The following KCNAB2 variants were observed in gnomAD, a reference collection of about 807,000 sequenced individuals.
KCNAB2 encodes the protein voltage-gated potassium channel subunit beta-2.
KCNAB2 carries 29 observed loss-of-function variants against 63.6 expected under a neutral mutation model. The ratio of observed to expected loss-of-function variants is 0.46; its 90% confidence interval spans 0.34 to 0.62. The LOEUF (loss-of-function observed/expected upper bound fraction) is 0.62. KCNAB2 is among the 20% of genes least tolerant of loss of function. The pLI is 0.01. For synonymous variants in KCNAB2, 222 were observed against 224.2 expected, an observed-to-expected ratio of 0.99 and a Z score of 0.09; for missense variants, 359 against 563.9, an observed-to-expected ratio of 0.64 and a Z score of 3.68.
chr1:6,049,194 C>A (rs1297730985), intron 1 of KCNAB2, among the ~76,000 whole-genome samples: 1 of 152,226 alleles, frequency 6.6e-6, no homozygotes, highest in Admixed American at 6.5e-5. Context: ...CAGGAAATGC[C>A]CAGGTATAGC....
At position 6,086,700 on chromosome 1, in the gene KCNAB2, G is replaced by C. The variant is rs1405348077; in HGVS notation, c.426-767G>C. Reference sequence around the variant, plus strand: ...AGCCACTGGTATGGGCATTTGTCTCGTGTGGACTTAGAGCAGAAGAACGAA... The same window carrying C: ...AGCCACTGGTATGGGCATTTGTCTCCTGTGGACTTAGAGCAGAAGAACGAA... On this transcript the variant is annotated intron_variant, in intron 6 of 15. Coordinates refer to ENST00000378083, the MANE Select transcript of KCNAB2 (RefSeq NM_001199862.2). This position sits in a 1 kb window ranked among gnomAD's most constrained non-coding sequence, Gnocchi z 4.2. Among the ~76,000 whole-genome samples the C allele has an allele frequency of 6.6e-6, 1 of 152,150 alleles. No individual in the cohort carries two copies. The highest frequency in any genetic ancestry group is 1.9e-4 in the East Asian group (1 of 5,190).
In KCNAB2 at chr1:6,089,680, G is replaced by A. The variant is rs185663776; in HGVS notation, c.514+629G>A. Among the ~76,000 whole-genome samples, 69 of 152,310 alleles carry A rather than the reference G, an allele frequency of 4.5e-4. No individual in the cohort carries two copies. In the South Asian group the frequency reaches 9.7e-3, roughly 21 times the overall value. On this transcript the variant is annotated intron_variant, in intron 8 of 15. Transcript: ENST00000378083. ...CTCTAAGCACCAGCGGGTGGCTTGG[G>A]CGTTTTAGACACTATTGCCATTGTT...
intron 2 of KCNAB2, among the ~76,000 whole-genome samples, chr1:6,052,831 A>G (rs1661506198): frequency 1.3e-5 from 2 of 152,140 alleles, no homozygotes; most frequent in Non-Finnish European, 2.9e-5. Context: ...TCCATGCAAT[A>G]TTTGGGTCAT....
chr1:6,040,322 T>C (rs1275960708), intron 1 of KCNAB2, among the ~76,000 whole-genome samples: 1 of 152,138 alleles, frequency 6.6e-6, no homozygotes, highest in Non-Finnish European at 1.5e-5. Context: ...CAGCCCCTCC[T>C]GAGCCCGTGG....
At position 6,050,684 on chromosome 1, in the gene KCNAB2, C is replaced by G. The variant is rs145060987; in HGVS notation, c.-26-827C>G. ...CAGTTTCCCTACTGATGGACATTTACATTGCTTTTAGTTTCCAAGAATGTG... is the reference window on the plus strand; with the variant it reads ...CAGTTTCCCTACTGATGGACATTTAGATTGCTTTTAGTTTCCAAGAATGTG... On this transcript the variant is annotated intron_variant, in intron 1 of 15. Coordinates refer to ENST00000378083, the MANE Select transcript of KCNAB2 (RefSeq NM_001199862.2). 4.7e-3 allele frequency among the ~76,000 whole-genome samples: 722 copies of G among 152,342 alleles called. 6 individuals are homozygous for G. The highest frequency in any genetic ancestry group is 8.7e-3 in the Non-Finnish European group (594 of 68,032).
intron 2 of KCNAB2, among the ~76,000 whole-genome samples, chr1:6,059,427 C>T (rs562742298): frequency 4.6e-5 from 7 of 152,228 alleles, no homozygotes; most frequent in Non-Finnish European, 8.8e-5. Context: ...TGGGCTCAAG[C>T]GATCCACCCA....
At chr1:6,072,940 A>G (rs1663335918) in intron 3 of KCNAB2, 142 bp downstream of exon 3, 2 of 603,132 alleles carry the variant, frequency 3.3e-6, no homozygotes, top group Non-Finnish European at 5.6e-6. Flanking sequence ...AGAGCCCAGG[A>G]TTCAGGGGGG....
At chr1:6,041,981 A>C, upstream of KCNAB2, 1 of 984,096 alleles carries the variant, frequency 1.0e-6, no homozygotes, top group Non-Finnish European at 1.6e-6. Flanking sequence ...TCTGAAGCCA[A>C]AGCCCCCGAG....
intron 1 of KCNAB2, among the ~76,000 whole-genome samples, chr1:6,006,857 A>AG (rs1657824490): frequency 6.6e-6 from 1 of 151,116 alleles, no homozygotes; most frequent in Admixed American, 6.6e-5. Context: ...ACTTCTTCCA[A>AG]GGGCCGTGAT....
intron 2 of KCNAB2, among the ~76,000 whole-genome samples, chr1:6,053,260 T>C (rs1276008537): frequency 6.6e-6 from 1 of 152,058 alleles, no homozygotes; most frequent in Non-Finnish European, 1.5e-5. Context: ...TTGATTCCTT[T>C]TGTTTATTCA....
intron 1 of KCNAB2, among the ~76,000 whole-genome samples, chr1:6,000,593 C>T (rs973399480): frequency 5.3e-5 from 8 of 151,924 alleles, no homozygotes; most frequent in African/African-American, 1.9e-4. Context: ...ACCCCACCCC[C>T]CGCCGCTCTG....
intron 1 of KCNAB2, 49 bp downstream of exon 1, chr1:6,046,232 G>A (rs2100497987): frequency 2.0e-6 from 2 of 978,098 alleles, no homozygotes; most frequent in South Asian, 4.7e-5. Flanking sequence ...TGCCGCTTGG[G>A]GGCACGCATC....
intron 2 of KCNAB2, among the ~76,000 whole-genome samples, chr1:6,064,415 A>G (rs1221601986): frequency 6.6e-6 from 1 of 152,182 alleles, no homozygotes; most frequent in African/African-American, 2.4e-5. Flanking sequence ...ATAAATAGGG[A>G]AGGGGGCTGT....
intron 5 of KCNAB2, among the ~76,000 whole-genome samples, chr1:6,084,809 C>CAAAAAAAA (rs372066219): frequency 2.9e-5 from 4 of 138,910 alleles, no homozygotes; most frequent in African/African-American, 1.1e-4. Context: ...GACTCCATTT[C>CAAAAAAAA]AAAAAAAAAA....
intron 8 of KCNAB2, 65 bp from the exon 9 acceptor site, chr1:6,090,324 T>C (rs948692552): frequency 1.7e-6 from 2 of 1,164,300 alleles, no homozygotes; most frequent in Admixed American, 1.9e-5. Context: ...CGGGCATGGA[T>C]GGGCCCAGGT....
rs370031813 is a variant in KCNAB2, at chr1:6,040,238, C to A, written c.-52-279C>A. Among the ~76,000 whole-genome samples the A allele has an allele frequency of 2.0e-5, 3 of 152,172 alleles. No individual in the cohort carries two copies. In the East Asian group the frequency reaches 5.8e-4, roughly 29 times the overall value. Reference sequence around the variant, plus strand: ...CAACAGTTGGGGTGGTGTGGAAGGACCTCCACGACATATAAGGTGGGAGTG... The same window carrying A: ...CAACAGTTGGGGTGGTGTGGAAGGAACTCCACGACATATAAGGTGGGAGTG... On this transcript the variant is annotated intron_variant, in intron 1 of 15. Coordinates refer to the KCNAB2 transcript ENST00000164247.
In KCNAB2 at chr1:6,070,367, C is replaced by T. The variant is rs190364628; in HGVS notation, c.219-2388C>T. On this transcript the variant is annotated intron_variant, in intron 2 of 15. Transcript: ENST00000378083. ...TTTCTTACCACAGTTACTTTCTAGC[C>T]AGCATGGGGGAAATTACCTAAACTT... 7.9e-5 allele frequency among the ~76,000 whole-genome samples: 12 copies of T among 152,288 alleles called. No homozygotes were observed. The East Asian group carries it at 2.3e-3, about 29-fold the overall frequency.
chr1:6,086,137 TA>T lies in KCNAB2; in HGVS notation c.425+892del. ...CAAGCCCCGGGGCCCTGTTCCTTAA[TA>T]AATGCGTCTTTATTTTCAGAAACAT... On this transcript the variant is annotated intron_variant, in intron 6 of 15. Transcript: ENST00000378083. This position sits in a 1 kb window ranked among gnomAD's most constrained non-coding sequence, Gnocchi z 4.2. The T allele has an allele frequency of 1.0e-6, 1 of 985,398 alleles. No individual in the cohort carries two copies. Among genetic ancestry groups the T allele is most frequent in the Non-Finnish European group, 1.2e-6 (1 of 829,928 alleles). 61.0% of individuals were successfully genotyped at this position (985,398 alleles called of 1,614,324 possible).
rs956013780 is a variant in KCNAB2, at chr1:6,096,060, A to G, written c.948+436A>G. 1 of 458,638 alleles carries G rather than the reference A, an allele frequency of 2.2e-6. No individual in the cohort carries two copies. The highest frequency in any genetic ancestry group is 2.0e-5 in the African/African-American group (1 of 50,266). The allele number at this position is 458,638 out of a possible 1,614,324, so 28.4% of individuals were successfully genotyped here. On this transcript the variant is annotated intron_variant, in intron 13 of 15. Coordinates refer to ENST00000378083, the MANE Select transcript of KCNAB2 (RefSeq NM_001199862.2). This position sits in a 1 kb window ranked among gnomAD's most constrained non-coding sequence, Gnocchi z 5.9. The stretch of plus-strand genomic sequence containing the variant: ...CCACACAACCTCTGAGTGGGGACTC[A>G]GGAGGGTCCCCAGACTGCAGGATCT...
Sources: allele counts gnomAD v4.1 joint callset (sites outside exome capture counted in the v4.1 genomes callset), GRCh38; gene constraint gnomAD v4.1.1; non-coding constraint Gnocchi (gnomAD v3.1); transcripts MANE v1.5; gene names NCBI Gene and HGNC (gene_info 2026-07-23, HGNC 2026-07-21).